The following RASA2 variants were observed in gnomAD, a reference collection of about 807,000 sequenced individuals.
The protein encoded by RASA2 is ras GTPase-activating protein 2.
Under a neutral mutation model 118.2 loss-of-function variants are expected in RASA2, and 155 were observed. That is an observed-to-expected ratio of 1.31 (90% CI 1.15 to 1.50). The LOEUF (loss-of-function observed/expected upper bound fraction) is 1.50. RASA2 is among the 40% of genes most tolerant of loss of function. The probability of loss-of-function intolerance (pLI) is 0.00; values close to 1 mark genes in which losing one functional copy is unlikely to be tolerated. For synonymous variants in RASA2, 353 were observed against 349.1 expected (o/e 1.01, Z -0.12); for missense variants, 1,016 against 1,009.6 (o/e 1.01, Z -0.09).
In RASA2 at chr3:141,533,601, C is replaced by T. The variant is rs149421927; in HGVS notation, c.450+3799C>T. Among the ~76,000 whole-genome samples the T allele has an allele frequency of 1.4e-3, 219 of 152,256 alleles. 7 individuals are homozygous for T. The East Asian group carries it at 0.024, about 17-fold the overall frequency. On this transcript the variant is annotated intron_variant, in intron 4 of 23. Transcript: ENST00000286364. ...AATTGTTTAGAACTATAACCTCTTA[C>T]CTTGAATTGTCTCCCAGAGATAATT...
chr3:141,501,454 T>C (rs186470848), intron 1 of RASA2, among the ~76,000 whole-genome samples: 10 of 152,362 alleles, frequency 6.6e-5, no homozygotes, highest in Admixed American at 5.2e-4. Flanking sequence ...TCTTAGGCAT[T>C]GTGCCAAGCG....
Position 141,575,488 on chromosome 3 carries a change from A to C in RASA2, c.1483+1421A>C, listed in dbSNP as rs182830817. Among the ~76,000 whole-genome samples, 744 of 152,346 alleles carry C rather than the reference A, an allele frequency of 4.9e-3. 7 individuals are homozygous for C. Among genetic ancestry groups the C allele is most frequent in the African/African-American group, 0.017 (707 of 41,582 alleles). ...AACCACATTGACTACTTAGTAACACACACAGTGTTAGTGTGTTAGCCTCCA... is the reference window on the plus strand; with the variant it reads ...AACCACATTGACTACTTAGTAACACCCACAGTGTTAGTGTGTTAGCCTCCA... On this transcript the variant is annotated intron_variant, in intron 14 of 23. Coordinates refer to ENST00000286364, the MANE Select transcript of RASA2 (RefSeq NM_006506.5).
chr3:141,487,232 G>GCTGAGGGGACGCC lies in RASA2; in HGVS notation c.133+20_133+32dup, dbSNP rs766290680. Reference sequence around the variant, plus strand: ...GGCAAGATCTGTAAGCGGGGGCTGGGCTGAGGGGACGCCCTGGCGGCGCTG... The same window carrying GCTGAGGGGACGCC: ...GGCAAGATCTGTAAGCGGGGGCTGGGCTGAGGGGACGCCCTGAGGGGACGCCCTGGCGGCGCTG... On this transcript the variant is annotated intron_variant, in intron 1 of 23. Transcript: ENST00000286364. The GCTGAGGGGACGCC allele has an allele frequency of 7.4e-7, 1 of 1,353,448 alleles. No individual in the cohort carries two copies. The highest frequency in any genetic ancestry group is 9.6e-7 in the Non-Finnish European group (1 of 1,044,334). 83.8% of individuals were successfully genotyped at this position (1,353,448 alleles called of 1,614,324 possible).
At chr3:141,493,042 T>C (rs1314655889) in intron 1 of RASA2, among the ~76,000 whole-genome samples, 1 of 152,196 alleles carries the variant, frequency 6.6e-6, no homozygotes, top group Admixed American at 6.5e-5. Context: ...TAAAGGTTCT[T>C]ACCCTTCATT....
At chr3:141,601,997 G>T (rs535991950) in intron 19 of RASA2, among the ~76,000 whole-genome samples, 3 of 152,210 alleles carry the variant, frequency 2.0e-5, no homozygotes, top group East Asian at 1.9e-4. Context: ...AGATTTTTCT[G>T]TTGAGAGCCT....
chr3:141,606,260 C>T (rs138393136), intron 19 of RASA2, among the ~76,000 whole-genome samples: 6 of 152,280 alleles, frequency 3.9e-5, no homozygotes, highest in Non-Finnish European at 5.9e-5. Flanking sequence ...ATTCAATTCC[C>T]CACCCCCATA....
rs200011335 is a variant in RASA2 at position 141,610,329 on chromosome 3, AAT to A, written c.2519+270_2519+271del. 1.4e-3 allele frequency among the ~76,000 whole-genome samples: 188 copies of A among 137,796 alleles called. 5 individuals are homozygous for A. In the East Asian group the frequency reaches 0.021, roughly 15 times the overall value. The allele number at this position is 137,796 out of a possible 152,430, so 90.4% of individuals were successfully genotyped here. The stretch of plus-strand genomic sequence containing the variant: ...AAATTATATATGATATATGTATATA[AAT>A]ATATATTTTATATATATTTATATTT... On this transcript the variant is annotated intron_variant, in intron 23 of 23. Coordinates refer to ENST00000286364, the MANE Select transcript of RASA2 (RefSeq NM_006506.5).
chr3:141,556,231 T>C (rs116724646), intron 7 of RASA2, among the ~76,000 whole-genome samples: 1 of 152,218 alleles, frequency 6.6e-6, no homozygotes, highest in African/African-American at 2.4e-5. Flanking sequence ...GCCACAGGAT[T>C]CTTCTGCAGG....
chr3:141,572,685 C>T lies in RASA2; in HGVS notation c.1246C>T (p.His416Tyr). The stretch of plus-strand genomic sequence containing the variant: ...TGAGATGATGAAAATAGTGGGAGGG[C>T]ACTACCTGAAAGTAACATTAAAACC... ...LDEMMKIVGG[H>Y]YLKVTLKPIL... The change falls in exon 12 of 24, where the codon CAC becomes TAC. Residue 416 changes from histidine to tyrosine, a missense_variant. This residue lies in a region of RASA2 where 896 missense variants were observed against 836.4 expected (regional missense o/e 1.07). Coordinates refer to ENST00000286364, the MANE Select transcript of RASA2 (RefSeq NM_006506.5). 6.2e-7 allele frequency: 1 copy of T among 1,612,958 alleles called. No individual in the cohort carries two copies. The highest frequency in any genetic ancestry group is 8.5e-7 in the Non-Finnish European group (1 of 1,179,216).
At chr3:141,611,142 C>T (rs76254768) in intron 23 of RASA2, among the ~76,000 whole-genome samples, 47 of 152,282 alleles carry the variant, frequency 3.1e-4, no homozygotes, top group African/African-American at 8.9e-4. Context: ...AACAATAAAA[C>T]TATTTACTCT....
At chr3:141,571,364 T>G in intron 10 of RASA2, 42 bp from the exon 11 acceptor site, 1 of 1,587,924 alleles carries the variant, frequency 6.3e-7, no homozygotes, top group Non-Finnish European at 8.6e-7. Context: ...TTAATCATGT[T>G]TCCTTGATGT....
At chr3:141,575,497 T>C (rs1205440222) in intron 14 of RASA2, among the ~76,000 whole-genome samples, 1 of 152,240 alleles carries the variant, frequency 6.6e-6, no homozygotes, top group African/African-American at 2.4e-5. Context: ...CACACAGTGT[T>C]AGTGTGTTAG....
chr3:141,541,274 A>G (rs1038328474), intron 5 of RASA2, among the ~76,000 whole-genome samples: 3 of 152,230 alleles, frequency 2.0e-5, no homozygotes, highest in South Asian at 2.1e-4. Flanking sequence ...TTGTTTTTCT[A>G]TCATGTCCAC....
intron 14 of RASA2, among the ~76,000 whole-genome samples, chr3:141,576,663 C>T (rs1313432828): frequency 6.6e-6 from 1 of 152,196 alleles, no homozygotes; most frequent in Admixed American, 6.5e-5. Context: ...TTCAGTGTTA[C>T]CACTAGGTAG....
At chr3:141,497,630 G>A (rs143578645) in intron 1 of RASA2, among the ~76,000 whole-genome samples, 1 of 152,062 alleles carries the variant, frequency 6.6e-6, no homozygotes, top group East Asian at 1.9e-4. Context: ...AATAGGCTGA[G>A]GAGGGTGGAT....
At chr3:141,505,766 C>T (rs912645237) in intron 1 of RASA2, among the ~76,000 whole-genome samples, 2 of 143,638 alleles carry the variant, frequency 1.4e-5, no homozygotes, top group African/African-American at 5.0e-5. Flanking sequence ...TTATACGTGT[C>T]TCTGTGTTTG....
chr3:141,586,775 G>A (rs907714066), intron 19 of RASA2, 23 bp downstream of exon 19: 12 of 1,574,210 alleles, frequency 7.6e-6, no homozygotes, highest in Middle Eastern at 1.7e-4. Flanking sequence ...ATGCTTTATT[G>A]TGGGGTTTTT....
chr3:141,490,882 A>G (rs943976645), intron 1 of RASA2, among the ~76,000 whole-genome samples: 7 of 152,208 alleles, frequency 4.6e-5, no homozygotes, highest in Admixed American at 2.6e-4. Context: ...TGAGGTTTAA[A>G]TAAGCCTCCC....
chr3:141,557,253 T>C (rs1328637267), intron 7 of RASA2, among the ~76,000 whole-genome samples: 1 of 152,182 alleles, frequency 6.6e-6, no homozygotes, highest in Non-Finnish European at 1.5e-5. Flanking sequence ...TCCATCTCTG[T>C]CCTTTAACTG....
Sources: allele counts gnomAD v4.1 joint callset (sites outside exome capture counted in the v4.1 genomes callset), GRCh38; gene constraint gnomAD v4.1.1; regional missense constraint gnomAD v4.1.1; transcripts MANE v1.5; gene names NCBI Gene and HGNC (gene_info 2026-07-23, HGNC 2026-07-21).